Variants in ENPP2 observed in about 807,000 individuals in gnomAD.
ENPP2 encodes the protein autotaxin.
A neutral mutation model predicts 120.2 loss-of-function variants in ENPP2; 51 were observed. The observed-to-expected ratio is 0.42, with a 90% confidence interval of 0.34 to 0.54. ENPP2 has a LOEUF of 0.54. Among genes scored for constraint, ENPP2 ranks in the 20% least tolerant of loss-of-function variants. The pLI is 0.04. For missense variants in ENPP2, 920 were observed against 1,066.5 expected, an observed-to-expected ratio of 0.86 and a Z score of 1.91; for synonymous variants, 365 against 366.4, an observed-to-expected ratio of 1.00 and a Z score of 0.04.
chr8:119,595,758 G>T, intron 11 of ENPP2: 2 of 1,294,980 alleles, frequency 1.5e-6, no homozygotes, highest in Non-Finnish European at 2.2e-6. Context: ...TCTAAAACTT[G>T]CTCAGCCGAT....
At chr8:119,660,969 T>C (rs995007991) in intron 1 of ENPP2, among the ~76,000 whole-genome samples, 1 of 152,216 alleles carries the variant, frequency 6.6e-6, no homozygotes, top group Non-Finnish European at 1.5e-5. Context: ...GCCATACATC[T>C]GATAAGGGCC....
Position 119,557,314 on chromosome 8 carries a change from A to G in ENPP2, c.*207T>C. The G allele has an allele frequency of 4.0e-6, 2 of 499,492 alleles. No homozygotes were observed. Among genetic ancestry groups the G allele is most frequent in the Non-Finnish European group, 7.0e-6 (2 of 284,672 alleles). The allele number at this position is 499,492 out of a possible 1,614,324, so 30.9% of individuals were successfully genotyped here. A position where few individuals can be genotyped will look rare whatever the true frequency, so the allele number is the denominator to read the frequency against. ...TTCCACTAAAAACTCAAGCTGCAGT[A>G]TTTATTACAAGCTCTACTCAGAACA... On this transcript the variant is annotated 3_prime_UTR_variant, in exon 25 of 25. Coordinates refer to ENST00000075322, the MANE Select transcript of ENPP2 (RefSeq NM_001040092.3).
chr8:119,638,816 C>T lies in ENPP2; in HGVS notation c.-36G>A, dbSNP rs2130844736. On this transcript the variant is annotated 5_prime_UTR_variant, in exon 1 of 25. Coordinates refer to ENST00000075322, the MANE Select transcript of ENPP2 (RefSeq NM_001040092.3). The stretch of plus-strand genomic sequence containing the variant: ...CTTGGAAAGCCTTTTGCAGCGTGTT[C>T]TCTTTGCCTTCACGGAGTGCACTGC... 6.2e-7 allele frequency: 1 copy of T among 1,613,770 alleles called. No homozygotes were observed. Among genetic ancestry groups the T allele is most frequent in the Non-Finnish European group, 8.5e-7 (1 of 1,179,686 alleles).
At chr8:119,668,673 C>T (rs554241829) in intron 1 of ENPP2, among the ~76,000 whole-genome samples, 13 of 152,126 alleles carry the variant, frequency 8.5e-5, no homozygotes, top group African/African-American at 2.4e-4. Flanking sequence ...GTGATCCACC[C>T]GCCTCGGCCT....
intron 2 of ENPP2, among the ~76,000 whole-genome samples, chr8:119,627,951 T>G (rs1312263739): frequency 6.7e-6 from 1 of 150,368 alleles, no homozygotes; most frequent in Non-Finnish European, 1.5e-5. Context: ...TATAAAAATA[T>G]TAATTCTTCC....
intron 1 of ENPP2, among the ~76,000 whole-genome samples, chr8:119,663,902 G>A (rs1817995603): frequency 1.3e-5 from 2 of 152,164 alleles, no homozygotes; most frequent in African/African-American, 2.4e-5. Context: ...GGAAAAACTC[G>A]AATATATCCA....
intron 19 of ENPP2, chr8:119,572,328 G>A: frequency 9.5e-7 from 1 of 1,053,170 alleles, no homozygotes; most frequent in Non-Finnish European, 1.4e-6. Context: ...ACCACACACA[G>A]TCCTCCAAAC....
At chr8:119,663,104 G>A (rs1207145482) in intron 1 of ENPP2, among the ~76,000 whole-genome samples, 64 of 141,758 alleles carry the variant, frequency 4.5e-4, no homozygotes, top group Non-Finnish European at 8.2e-4. Context: ...GCAACACAGT[G>A]AGAGACTCTT....
intron 14 of ENPP2, among the ~76,000 whole-genome samples, chr8:119,586,614 C>T (rs1335266758): frequency 6.6e-6 from 1 of 151,834 alleles, no homozygotes; most frequent in Admixed American, 6.6e-5. Context: ...CCAACTCCTT[C>T]AAGTCAAGCA....
At chr8:119,565,882 A>G (rs1045605687) in intron 22 of ENPP2, among the ~76,000 whole-genome samples, 25 of 139,000 alleles carry the variant, frequency 1.8e-4, no homozygotes, top group African/African-American at 4.6e-4. Flanking sequence ...ACGCACATGC[A>G]CACACACACA....
intron 9 of ENPP2, among the ~76,000 whole-genome samples, chr8:119,604,772 T>G (rs1237954840): frequency 6.6e-6 from 1 of 152,112 alleles, no homozygotes; most frequent in African/African-American, 2.4e-5. Flanking sequence ...TGTTTTATTT[T>G]ATTTTATTTT....
rs184711749 is a variant in ENPP2 at position 119,562,962 on chromosome 8, G to A, written c.2316C>T (p.Ile772=). ...GCTGAGTGAAATCCAGACAGCTGGT[G>A]ATGATGCTGTAGTAGTGAGTTGGAA... ...IPVPTHYYSI[I]TSCLDFTQPA... Residue 772 remains isoleucine, a synonymous_variant, in exon 24 of 25, where the codon ATC becomes ATT. Coordinates refer to ENST00000075322, the MANE Select transcript of ENPP2 (RefSeq NM_001040092.3). The A allele has an allele frequency of 3.7e-6, 6 of 1,613,996 alleles. No homozygotes were observed. The highest frequency in any genetic ancestry group is 5.1e-6 in the Non-Finnish European group (6 of 1,179,858).
chr8:119,589,951 C>A (rs1813384581), intron 13 of ENPP2, among the ~76,000 whole-genome samples: 1 of 152,040 alleles, frequency 6.6e-6, no homozygotes. Context: ...ATTTTTATTT[C>A]TAATCTTTCA....
At chr8:119,622,532 G>A (rs528572543) in intron 3 of ENPP2, among the ~76,000 whole-genome samples, 1 of 152,272 alleles carries the variant, frequency 6.6e-6, no homozygotes, top group East Asian at 1.9e-4. Context: ...CATTTTAAAA[G>A]GAGTGCTGTG....
intron 14 of ENPP2, among the ~76,000 whole-genome samples, chr8:119,586,772 A>T (rs898345191): frequency 1.3e-4 from 20 of 152,178 alleles, no homozygotes; most frequent in African/African-American, 4.1e-4. Context: ...GAAAGTAAAG[A>T]TTTGTTTAAC....
At chr8:119,572,112 T>A in intron 19 of ENPP2, 10 of 870,872 alleles carry the variant, frequency 1.1e-5, no homozygotes, top group Non-Finnish European at 1.8e-5. Flanking sequence ...CACCAGCAAA[T>A]CGTAACAGTA....
At chr8:119,656,585 G>T (rs62528904) in intron 1 of ENPP2, among the ~76,000 whole-genome samples, 1 of 152,144 alleles carries the variant, frequency 6.6e-6, no homozygotes, top group Non-Finnish European at 1.5e-5. Context: ...ACTGTTCTAG[G>T]CACAAGAGTC....
chr8:119,609,459 C>T (rs1587470128), intron 8 of ENPP2, among the ~76,000 whole-genome samples: 1 of 152,278 alleles, frequency 6.6e-6, no homozygotes, highest in East Asian at 1.9e-4. Context: ...TGTTTGGAGA[C>T]ATAAGAATCT....
chr8:119,571,976 C>T (rs562796408), intron 19 of ENPP2: 4 of 518,598 alleles, frequency 7.7e-6, no homozygotes, highest in African/African-American at 3.8e-5. Context: ...CTGGGTAGTT[C>T]GGCTGCTCCA....
Sources: gnomAD v4.1 joint callset for allele counts (sites outside exome capture counted in the v4.1 genomes callset) on GRCh38, gnomAD v4.1.1 for gene constraint, MANE v1.5 for transcripts, NCBI Gene and HGNC (gene_info 2026-07-23, HGNC 2026-07-21) for gene names.